The following CALHM4 variants were observed in gnomAD, a reference collection of about 807,000 sequenced individuals.
The protein encoded by CALHM4 is calcium homeostasis modulator family member 4, also known as calcium homeostasis modulator protein 4.
Under a neutral mutation model 13.3 loss-of-function variants are expected in CALHM4, and 16 were observed. That is an observed-to-expected ratio of 1.20 (90% CI 0.81 to 1.82). CALHM4 has a LOEUF of 1.82. Among genes scored for constraint, CALHM4 ranks in the 40% most tolerant of loss-of-function variants. The pLI is 0.00. For missense variants in CALHM4, 344 were observed against 374.9 expected (o/e 0.92, Z 0.68); for synonymous variants, 127 against 137.1 (o/e 0.93, Z 0.52).
chr6:116,540,608 G>A, intron 1 of CALHM4: 1 of 744,734 alleles, frequency 1.3e-6, no homozygotes, highest in Non-Finnish European at 2.2e-6. Flanking sequence ...GCTTTTGGCT[G>A]TGGGCTTCTT....
At chr6:116,553,265 T>C (rs912075657), upstream of CALHM4, among the ~76,000 whole-genome samples, 6 of 152,260 alleles carry the variant, frequency 3.9e-5, no homozygotes, top group African/African-American at 1.2e-4. Context: ...CCTTGTTCTT[T>C]CCTTGGGGAA....
intron 2 of CALHM4, among the ~76,000 whole-genome samples, chr6:116,547,347 G>A (rs1366077592): frequency 6.6e-6 from 1 of 152,156 alleles, no homozygotes; most frequent in Non-Finnish European, 1.5e-5. Context: ...AATGGCTGTG[G>A]TATGGTCACA....
At chr6:116,551,310 C>T (rs1166498631), upstream of CALHM4, among the ~76,000 whole-genome samples, 1 of 152,164 alleles carries the variant, frequency 6.6e-6, no homozygotes, top group East Asian at 1.9e-4. Context: ...TTTGTAATCC[C>T]TCTCTTCTTA....
chr6:116,536,115 T>C (rs889907451), intron 1 of CALHM4, among the ~76,000 whole-genome samples: 11 of 152,236 alleles, frequency 7.2e-5, no homozygotes, highest in Non-Finnish European at 1.6e-4. Context: ...TCTTATTTAA[T>C]ATTTGTAGTT....
rs1773738500 is a variant in CALHM4 at position 116,545,634 on chromosome 6, G to C, written c.-1+1762G>C. 5 of 829,802 alleles carry C rather than the reference G, an allele frequency of 6.0e-6. No individual in the cohort carries two copies. In the South Asian group the frequency reaches 1.0e-4, roughly 17 times the overall value. 51.4% of individuals were successfully genotyped at this position (829,802 alleles called of 1,614,324 possible). A position where few individuals can be genotyped will look rare whatever the true frequency, so the allele number is the denominator to read the frequency against. Reference sequence around the variant, plus strand: ...TAAGCTCTTCCTCGCTTTGAGACAGGAGTGCTGCTTCTGCACTCTGCTGCT... The same window carrying C: ...TAAGCTCTTCCTCGCTTTGAGACAGCAGTGCTGCTTCTGCACTCTGCTGCT... On this transcript the variant is annotated intron_variant, in intron 2 of 2. Transcript: ENST00000368597.
chr6:116,532,147 A>G (rs1772765870), intron 1 of CALHM4, among the ~76,000 whole-genome samples: 1 of 152,212 alleles, frequency 6.6e-6, no homozygotes, highest in Admixed American at 6.5e-5. Context: ...TTGAGCAGAC[A>G]GGGTAGGAGT....
chr6:116,551,745 T>C (rs1774089276), upstream of CALHM4, among the ~76,000 whole-genome samples: 1 of 152,186 alleles, frequency 6.6e-6, no homozygotes. Flanking sequence ...GACACACGCT[T>C]ATGTTATATG....
intron 1 of CALHM4, among the ~76,000 whole-genome samples, chr6:116,537,377 T>C (rs1033212125): frequency 6.6e-6 from 1 of 152,204 alleles, no homozygotes; most frequent in African/African-American, 2.4e-5. Flanking sequence ...TGGTGAAAAT[T>C]GTGTACCATT....
chr6:116,557,929 G>A lies in CALHM4; in HGVS notation c.663G>A (p.Trp221Ter), dbSNP rs1774404609. Reference protein sequence around the residue: ...SPLTSLQHCYWTSHLQNEREL... With the variant: ...SPLTSLQHCY ...TCACCTCTCTGCAACATTGCTACTG[G>A]ACCAGCCACCTCCAGAATGAGAGAG... Residue 221 changes from tryptophan to a stop codon, truncating the protein, a stop_gained, in exon 2 of 2, where the codon TGG becomes TGA. Coordinates refer to ENST00000368596, the MANE Select transcript of CALHM4 (RefSeq NM_001366078.2). LOFTEE classifies it high-confidence loss of function. 1 of 1,614,078 alleles carries A rather than the reference G, an allele frequency of 6.2e-7. No individual in the cohort carries two copies. The highest frequency in any genetic ancestry group is 2.2e-5 in the East Asian group (1 of 44,888).
intron 2 of CALHM4, among the ~76,000 whole-genome samples, chr6:116,544,915 A>G (rs533693129): frequency 6.6e-6 from 1 of 152,226 alleles, no homozygotes; most frequent in South Asian, 2.1e-4. Flanking sequence ...ATAAGAGAGT[A>G]TTAAAGAATA....
upstream of CALHM4, among the ~76,000 whole-genome samples, chr6:116,549,900 C>T (rs1391741844): frequency 3.3e-5 from 5 of 149,532 alleles, no homozygotes; most frequent in African/African-American, 7.4e-5. Flanking sequence ...CGCTTCAACC[C>T]GGCAGGCAGA....
intron 1 of CALHM4, among the ~76,000 whole-genome samples, chr6:116,532,891 ACTTAT>A (rs1367704766): frequency 1.3e-5 from 2 of 152,222 alleles, no homozygotes; most frequent in African/African-American, 2.4e-5. Flanking sequence ...ATTTTTGCTT[ACTTAT>A]CTTAACATTA....
chr6:116,548,035 G>A (rs1562359702), intron 2 of CALHM4, among the ~76,000 whole-genome samples: 1 of 152,210 alleles, frequency 6.6e-6, no homozygotes, highest in South Asian at 2.1e-4. Flanking sequence ...AACTATCAGA[G>A]AAGGCAAAGG....
At chr6:116,557,689 T>C in intron 1 of CALHM4, 136 bp from the exon 2 acceptor site, 2 of 908,052 alleles carry the variant, frequency 2.2e-6, no homozygotes, top group African/African-American at 1.7e-5. Context: ...GTTGTTGATA[T>C]ACTAAAGATG....
chr6:116,537,839 T>A (rs1485004646), intron 1 of CALHM4, among the ~76,000 whole-genome samples: 3 of 152,200 alleles, frequency 2.0e-5, no homozygotes, highest in Admixed American at 2.0e-4. Flanking sequence ...TAATTTTTAT[T>A]GAGTAAATAC....
chr6:116,555,334 TA>T lies in CALHM4; in HGVS notation c.558+985del, dbSNP rs1291266287. On this transcript the variant is annotated intron_variant, in intron 1 of 1. Coordinates refer to ENST00000368596, the MANE Select transcript of CALHM4 (RefSeq NM_001366078.2). ...TCAATAGAAAAATTATAACTTAAAA[TA>T]ATTTTCTTGCTTAAGAAAAGCTAAA... 3.9e-5 allele frequency among the ~76,000 whole-genome samples: 6 copies of T among 152,312 alleles called. No homozygotes were observed. The East Asian group carries it at 1.2e-3, about 29-fold the overall frequency.
intron 1 of CALHM4, among the ~76,000 whole-genome samples, chr6:116,534,010 C>T (rs530944769): frequency 6.6e-6 from 1 of 152,266 alleles, no homozygotes; most frequent in East Asian, 1.9e-4. Flanking sequence ...TCATACCTTC[C>T]CCAACAAGAT....
In CALHM4 at chr6:116,558,338, A is replaced by C. The variant is rs563914514; in HGVS notation, c.*127A>C. Reference sequence around the variant, plus strand: ...CTCTGATATTTGTTTACGTAAGTCCATCTCAAATATTATTTCTAAAATCAA... The same window carrying C: ...CTCTGATATTTGTTTACGTAAGTCCCTCTCAAATATTATTTCTAAAATCAA... On this transcript the variant is annotated 3_prime_UTR_variant, in exon 2 of 2. Coordinates refer to ENST00000368596, the MANE Select transcript of CALHM4 (RefSeq NM_001366078.2). The C allele has an allele frequency of 9.6e-7, 1 of 1,046,428 alleles. No homozygotes were observed. The highest frequency in any genetic ancestry group is 1.6e-5 in the African/African-American group (1 of 62,224). 64.8% of individuals were successfully genotyped at this position (1,046,428 alleles called of 1,614,324 possible).
chr6:116,560,606 T>C lies in CALHM4; in HGVS notation c.*2395T>C, dbSNP rs962187504. Among the ~76,000 whole-genome samples, 1 of 136,082 alleles carries C rather than the reference T, an allele frequency of 7.3e-6. No individual in the cohort carries two copies. Among genetic ancestry groups the C allele is most frequent in the Non-Finnish European group, 1.6e-5 (1 of 63,890 alleles). 89.3% of individuals were successfully genotyped at this position (136,082 alleles called of 152,430 possible). On this transcript the variant is annotated 3_prime_UTR_variant, in exon 2 of 2. Transcript: ENST00000368596. ...ACACCCCTGGGATTTCATCTTACAGTACATTATCTATCTCAGATCAAATAA... is the reference window on the plus strand; with the variant it reads ...ACACCCCTGGGATTTCATCTTACAGCACATTATCTATCTCAGATCAAATAA...
Sources: allele counts gnomAD v4.1 joint callset (sites outside exome capture counted in the v4.1 genomes callset), GRCh38; gene constraint gnomAD v4.1.1; transcripts MANE v1.5; gene names NCBI Gene and HGNC (gene_info 2026-07-23, HGNC 2026-07-21).